Variants in PRKCD observed in about 807,000 individuals in gnomAD.
PRKCD encodes protein kinase C delta type.
PRKCD carries 20 observed loss-of-function variants against 82.2 expected under a neutral mutation model. The observed-to-expected ratio is 0.24, with a 90% CI of 0.17 to 0.35. The LOEUF (loss-of-function observed/expected upper bound fraction) is 0.35. Among genes scored for constraint, PRKCD ranks in the 10% least tolerant of loss-of-function variants. PRKCD has a pLI of 1.00. For synonymous variants in PRKCD, 317 were observed against 337.0 expected (o/e 0.94, Z 0.65); for missense variants, 607 against 899.0 (o/e 0.68, Z 4.15).
At chr3:53,167,746 G>A (rs544556191) in intron 2 of PRKCD, among the ~76,000 whole-genome samples, 3 of 152,260 alleles carry the variant, frequency 2.0e-5, no homozygotes, top group Non-Finnish European at 2.9e-5. Context: ...TGATGAGGGG[G>A]TATTATTATC....
chr3:53,186,245 G>A lies in PRKCD; in HGVS notation c.1165G>A (p.Asp389Asn), dbSNP rs1703682820. The A allele has an allele frequency of 6.2e-7, 1 of 1,614,166 alleles. No homozygotes were observed. ...CAAGAAGGATGTGGTCCTGATCGAC[G>A]ACGACGTGGAGTGCACCATGGTTGA... ...ALKKDVVLID[D>N]DVECTMVEKR... is the part of the protein sequence containing the mutation. The change falls in exon 13 of 19, where the codon GAC becomes AAC. Residue 389 changes from aspartate (D) to asparagine (N), a missense_variant. Around this residue, in one of 5 missense-constraint regions of PRKCD, gnomAD observed 251 missense variants for 423.9 expected, o/e 0.59. Transcript: ENST00000330452.
intron 2 of PRKCD, among the ~76,000 whole-genome samples, chr3:53,178,080 G>A (rs1236730431): frequency 6.6e-6 from 1 of 151,866 alleles, no homozygotes; most frequent in Non-Finnish European, 1.5e-5. Context: ...CGAGTAGCTG[G>A]AATTACAGGC....
intron 15 of PRKCD, among the ~76,000 whole-genome samples, chr3:53,187,743 G>A (rs1177642503): frequency 2.0e-5 from 3 of 152,164 alleles, no homozygotes; most frequent in African/African-American, 7.2e-5. Flanking sequence ...AATAAGTTAT[G>A]ATTCCATCCT....
rs771128910 is a variant in PRKCD at position 53,192,441 on chromosome 3, A to T, written c.*175A>T. ...GTACTTCCTCTGTGAACTGTGTGTG[A>T]ATCTGCTTTTCCTCTGCCTTCGGAG... On this transcript the variant is annotated 3_prime_UTR_variant, in exon 19 of 19. Transcript: ENST00000330452. 45 of 625,342 alleles carry T rather than the reference A, an allele frequency of 7.2e-5. No individual in the cohort carries two copies. The highest frequency in any genetic ancestry group is 1.1e-4 in the Non-Finnish European group (42 of 369,768). The allele number at this position is 625,342 out of a possible 1,614,324, so 38.7% of individuals were successfully genotyped here.
intron 17 of PRKCD, 116 bp downstream of exon 17, chr3:53,189,362 G>A: frequency 1.8e-6 from 2 of 1,127,128 alleles, no homozygotes; most frequent in Admixed American, 2.8e-5. Context: ...CAGTGGTGCT[G>A]CAGTCCTAAC....
intron 10 of PRKCD, 115 bp downstream of exon 10, chr3:53,185,089 C>G: frequency 1.1e-6 from 1 of 898,930 alleles, no homozygotes; most frequent in East Asian, 2.6e-5. Flanking sequence ...ACCCAGGACT[C>G]TACTTCGGGA....
At chr3:53,168,130 G>T (rs1702893678) in intron 2 of PRKCD, among the ~76,000 whole-genome samples, 2 of 152,272 alleles carry the variant, frequency 1.3e-5, no homozygotes, top group Admixed American at 6.5e-5. Flanking sequence ...CTGGGAACGA[G>T]GGGGTGGACG....
In PRKCD at chr3:53,182,037, G is replaced by A. The variant is rs543404296; in HGVS notation, c.571+305G>A. On this transcript the variant is annotated intron_variant, in intron 7 of 18. Transcript: ENST00000330452. ...GCCATGCACCAGGCCTCTTTTCCTC[G>A]GAGAGGCAATGATAGGTCCTTTACT... 1.0e-3 allele frequency: 562 copies of A among 539,632 alleles called. 3 individuals carry two copies. The highest frequency in any genetic ancestry group is 1.7e-3 in the Non-Finnish European group (494 of 283,886). The allele number at this position is 539,632 out of a possible 1,614,324, so 33.4% of individuals were successfully genotyped here.
chr3:53,177,946 C>CTTTTTTTTTTTTT (rs55779744), intron 2 of PRKCD, among the ~76,000 whole-genome samples: 1 of 135,064 alleles, frequency 7.4e-6, no homozygotes, highest in African/African-American at 2.7e-5. Context: ...TTTTCTTTTT[C>CTTTTTTTTTTTTT]TTTTTTTTTT....
In PRKCD at chr3:53,186,261, C is replaced by T. The variant is rs1391783355; in HGVS notation, c.1181C>T (p.Thr394Ile). The change falls in exon 13 of 19, where the codon ACC becomes ATC. Residue 394 changes from threonine to isoleucine, a missense_variant. Coordinates refer to ENST00000330452, the MANE Select transcript of PRKCD (RefSeq NM_006254.4). ...VVLIDDDVEC[T>I]MVEKRVLTLA... ...CTGATCGACGACGACGTGGAGTGCACCATGGTTGAGAAGCGGGTGCTGACA... is the reference window on the plus strand; with the variant it reads ...CTGATCGACGACGACGTGGAGTGCATCATGGTTGAGAAGCGGGTGCTGACA... 1.2e-6 allele frequency: 2 copies of T among 1,614,058 alleles called. No homozygotes were observed. The highest frequency in any genetic ancestry group is 3.3e-5 in the Admixed American group (2 of 60,004).
rs59234300 is a variant in PRKCD at position 53,188,007 on chromosome 3, T to C, written c.1415+605T>C. Among the ~76,000 whole-genome samples the C allele has an allele frequency of 7.4e-3, 1,131 of 151,858 alleles. 10 individuals carry two copies. The highest frequency in any genetic ancestry group is 0.025 in the African/African-American group (1,042 of 41,430). On this transcript the variant is annotated intron_variant, in intron 15 of 18. Coordinates refer to ENST00000330452, the MANE Select transcript of PRKCD (RefSeq NM_006254.4). ...TTCGAGACCAGCCTGACCAACATGG[T>C]GAAACCCTGTCTCTACTAAAAAATA...
intron 2 of PRKCD, among the ~76,000 whole-genome samples, chr3:53,168,063 TC>T (rs1467403375): frequency 6.6e-6 from 1 of 152,232 alleles, no homozygotes; most frequent in Non-Finnish European, 1.5e-5. Flanking sequence ...CCCTCAGGGC[TC>T]CCCTTGGCCC....
In PRKCD at chr3:53,192,690, T is replaced by G. The variant is rs1184777679; in HGVS notation, c.*424T>G. ...GTTTGAACCACCAGGTTTATTTGTGTGTCTAAATAAACACCAAATAGTACC... is the reference window on the plus strand; with the variant it reads ...GTTTGAACCACCAGGTTTATTTGTGGGTCTAAATAAACACCAAATAGTACC... On this transcript the variant is annotated 3_prime_UTR_variant, in exon 19 of 19. Coordinates refer to ENST00000330452, the MANE Select transcript of PRKCD (RefSeq NM_006254.4). The G allele has an allele frequency of 6.6e-6, 1 of 150,460 alleles. No homozygotes were observed. The highest frequency in any genetic ancestry group is 1.5e-5 in the Non-Finnish European group (1 of 67,798). 9.3% of individuals were successfully genotyped at this position (150,460 alleles called of 1,614,324 possible).
chr3:53,174,084 T>C (rs1703136457), intron 2 of PRKCD, among the ~76,000 whole-genome samples: 1 of 152,236 alleles, frequency 6.6e-6, no homozygotes. Flanking sequence ...GTCACTTTGC[T>C]TCTCTGAGCT....
At chr3:53,166,114 T>G (rs1702824192) in intron 2 of PRKCD, among the ~76,000 whole-genome samples, 1 of 152,134 alleles carries the variant, frequency 6.6e-6, no homozygotes, top group African/African-American at 2.4e-5. Flanking sequence ...GTTACGCACC[T>G]ATAGGTCTGT....
At chr3:53,163,416 G>T (rs1702739083) in intron 1 of PRKCD, among the ~76,000 whole-genome samples, 1 of 151,916 alleles carries the variant, frequency 6.6e-6, no homozygotes, top group South Asian at 2.1e-4. Flanking sequence ...TGAGGATGTG[G>T]GTGTGCACAT....
At chr3:53,164,864 T>A (rs1702784163) in intron 1 of PRKCD, among the ~76,000 whole-genome samples, 1 of 152,088 alleles carries the variant, frequency 6.6e-6, no homozygotes, top group Non-Finnish European at 1.5e-5. Context: ...AGGCTGGAAA[T>A]GTGCTCAGGG....
chr3:53,169,569 T>C lies in PRKCD; in HGVS notation c.-20+4354T>C, dbSNP rs912354050. 1.3e-5 allele frequency among the ~76,000 whole-genome samples: 2 copies of C among 151,672 alleles called. No individual in the cohort carries two copies. The highest frequency in any genetic ancestry group is 4.8e-5 in the African/African-American group (2 of 41,350). ...GCAGTCGCCAAGGCCTGAGGCTAGA[T>C]CAGATGTCTGCGTGGTGTAGGTTGT... On this transcript the variant is annotated intron_variant, in intron 2 of 18. Transcript: ENST00000330452. The surrounding 1 kb of genome is among the most constrained non-coding windows in gnomAD (Gnocchi z 4.7).
chr3:53,189,725 A>G, intron 17 of PRKCD, 148 bp from the exon 18 acceptor site: 1 of 1,072,736 alleles, frequency 9.3e-7, no homozygotes, highest in Non-Finnish European at 1.4e-6. Context: ...ACTGCAGGCC[A>G]GAGTGGCCTC....
Sources: allele counts gnomAD v4.1 joint callset (sites outside exome capture counted in the v4.1 genomes callset), GRCh38; gene constraint gnomAD v4.1.1; regional missense constraint gnomAD v4.1.1; non-coding constraint Gnocchi (gnomAD v3.1); transcripts MANE v1.5; gene names NCBI Gene and HGNC (gene_info 2026-07-23, HGNC 2026-07-21).